GAPDHS: variants seen among roughly 807,000 people sequenced by gnomAD.
GAPDHS encodes glyceraldehyde-3-phosphate dehydrogenase, spermatogenic.
A neutral mutation model predicts 48.7 loss-of-function variants in GAPDHS; 42 were observed. The observed-to-expected ratio is 0.86, with a 90% CI of 0.67 to 1.12. The LOEUF (loss-of-function observed/expected upper bound fraction) is 1.12. GAPDHS is among the 50% of genes most tolerant of loss of function. The pLI, the probability that GAPDHS is intolerant of heterozygous loss-of-function variation, is 0.00. For missense variants in GAPDHS, 512 were observed against 557.7 expected (o/e 0.92, Z 0.82); for synonymous variants, 166 against 219.1 (o/e 0.76, Z 2.14).
At chr19:35,536,672 G>A (rs2071467917) in intron 1 of GAPDHS, 141 bp from the exon 2 acceptor site, 1 of 637,344 alleles carries the variant, frequency 1.6e-6, no homozygotes, top group Non-Finnish European at 2.8e-6. Context: ...ATTCTGTAGA[G>A]AAAGTGGGTT....
chr19:35,534,374 C>A (rs560199870), intron 1 of GAPDHS, among the ~76,000 whole-genome samples: 1 of 152,328 alleles, frequency 6.6e-6, no homozygotes, highest in Non-Finnish European at 1.5e-5. Context: ...GGCTTACCAG[C>A]CTCATGAGAC....
intron 1 of GAPDHS, among the ~76,000 whole-genome samples, chr19:35,534,492 G>T (rs1231636673): frequency 6.6e-6 from 1 of 152,158 alleles, no homozygotes; most frequent in African/African-American, 2.4e-5. Flanking sequence ...GGAGGACGCA[G>T]TGAGGAGCTG....
chr19:35,544,727 C>T (rs373262191), intron 9 of GAPDHS, 182 bp from the exon 10 acceptor site: 1 of 616,448 alleles, frequency 1.6e-6, no homozygotes, highest in Non-Finnish European at 2.9e-6. Flanking sequence ...GACCCTGACA[C>T]AGTGCCTTGG....
chr19:35,537,874 G>A (rs113337032), intron 2 of GAPDHS, among the ~76,000 whole-genome samples: 5,703 of 152,250 alleles, frequency 0.037, 370 homozygotes, highest in African/African-American at 0.13. Context: ...TCAGGAGTTC[G>A]AGACCAGCCT....
rs147678774 is a variant in GAPDHS, at chr19:35,542,383, G to A, written c.514G>A (p.Val172Met). Residue 172 changes from valine to methionine, a missense_variant, in exon 5 of 11, where the codon GTG (valine) becomes ATG (methionine). By Grantham distance (21) the Val-to-Met change is conservative. Coordinates refer to ENST00000222286, the MANE Select transcript of GAPDHS (RefSeq NM_014364.5). ...CCCCTACGTGGTGGAGTCCACAGGCGTGTACCTCTCCATACAGGCAGCTTC... is the reference window on the plus strand; with the variant it reads ...CCCCTACGTGGTGGAGTCCACAGGCATGTACCTCTCCATACAGGCAGCTTC... ...GSPYVVESTG[V>M]YLSIQAASDH... 3.1e-6 allele frequency: 5 copies of A among 1,609,126 alleles called. No individual in the cohort carries two copies. Among genetic ancestry groups the A allele is most frequent in the East Asian group, 2.2e-5 (1 of 44,870 alleles).
At chr19:35,543,555 C>T (rs903160067) in intron 8 of GAPDHS, 64 bp downstream of exon 8, 1 of 1,571,506 alleles carries the variant, frequency 6.4e-7, no homozygotes, top group African/African-American at 1.4e-5. Flanking sequence ...ACTGGCCCGG[C>T]CCTCAGTCCT....
intron 2 of GAPDHS, 116 bp downstream of exon 2, chr19:35,537,106 C>T: frequency 1.2e-6 from 1 of 862,258 alleles, no homozygotes; most frequent in Non-Finnish European, 1.8e-6. Flanking sequence ...TCCGACGACC[C>T]TGGAGAAATA....
intron 2 of GAPDHS, among the ~76,000 whole-genome samples, chr19:35,537,632 C>G (rs1198546452): frequency 1.3e-5 from 2 of 152,202 alleles, no homozygotes; most frequent in East Asian, 1.9e-4. Context: ...GTAAACCCAG[C>G]ACTTTGGGAG....
chr19:35,543,242 C>A, intron 7 of GAPDHS, 98 bp from the exon 8 acceptor site: 1 of 1,408,640 alleles, frequency 7.1e-7, no homozygotes, highest in South Asian at 1.2e-5. Context: ...GGTGGCCCCA[C>A]CAGCCTCCAC....
At chr19:35,538,827 G>A in intron 4 of GAPDHS, 144 bp downstream of exon 4, 1 of 649,544 alleles carries the variant, frequency 1.5e-6, no homozygotes. Context: ...GTACTAATTT[G>A]AAGAGGGAAG....
Position 35,545,193 on chromosome 19 carries a change from T to C in GAPDHS, c.*23T>C. 1 of 1,597,660 alleles carries C rather than the reference T, an allele frequency of 6.3e-7. No homozygotes were observed. The highest frequency in any genetic ancestry group is 1.3e-5 in the African/African-American group (1 of 74,736). Reference sequence around the variant, plus strand: ...TGAAACGGGAAGGTCCTTTCTTTCCTTCCCAGGGGCCGGGGCCGGAACATG... The same window carrying C: ...TGAAACGGGAAGGTCCTTTCTTTCCCTCCCAGGGGCCGGGGCCGGAACATG... On this transcript the variant is annotated 3_prime_UTR_variant, in exon 11 of 11. Transcript: ENST00000222286.
intron 1 of GAPDHS, among the ~76,000 whole-genome samples, chr19:35,534,211 ACT>A (rs1023824866): frequency 2.0e-5 from 3 of 150,670 alleles, no homozygotes; most frequent in African/African-American, 7.4e-5. Context: ...ACACACACAC[ACT>A]CACTCACTCA....
intron 1 of GAPDHS, among the ~76,000 whole-genome samples, chr19:35,535,369 T>C (rs1411513383): frequency 6.6e-6 from 1 of 152,150 alleles, no homozygotes; most frequent in East Asian, 1.9e-4. Context: ...AAGAAATGCC[T>C]GGAGTGCTTA....
At chr19:35,539,837 C>G (rs2146294902) in intron 4 of GAPDHS, among the ~76,000 whole-genome samples, 1 of 151,454 alleles carries the variant, frequency 6.6e-6, no homozygotes, top group East Asian at 1.9e-4. Context: ...AGTTATCACG[C>G]AGACTTCAAC....
chr19:35,539,691 G>A (rs1274309723), intron 4 of GAPDHS, among the ~76,000 whole-genome samples: 1 of 152,064 alleles, frequency 6.6e-6, no homozygotes, highest in Non-Finnish European at 1.5e-5. Flanking sequence ...CTGGGGGTAG[G>A]GTGAGTGATA....
At chr19:35,541,534 GA>G (rs2071502678) in intron 4 of GAPDHS, 1 of 151,332 alleles carries the variant, frequency 6.6e-6, no homozygotes, top group East Asian at 1.9e-4. Context: ...GAAACAGACC[GA>G]CACTGGCCAA....
chr19:35,543,363 C>A lies in GAPDHS; in HGVS notation c.765C>A (p.Ala255=), dbSNP rs1474033075. The A allele has an allele frequency of 6.2e-7, 1 of 1,612,912 alleles. No homozygotes were observed. Among genetic ancestry groups the A allele is most frequent in the South Asian group, 1.1e-5 (1 of 90,958 alleles). The part of the protein sequence containing the change: ...GLMTTVHSYT[A]TQKTVDGPSR... Reference sequence around the variant, plus strand: ...AGACCACAGTCCATTCCTACACGGCCACCCAGAAGACAGTGGACGGGCCAT... The same window carrying A: ...AGACCACAGTCCATTCCTACACGGCAACCCAGAAGACAGTGGACGGGCCAT... Residue 255 remains alanine (A), a synonymous_variant, in exon 8 of 11, where the codon GCC becomes GCA. Transcript: ENST00000222286.
intron 9 of GAPDHS, 107 bp from the exon 10 acceptor site, chr19:35,544,802 A>C: frequency 1.3e-6 from 1 of 758,692 alleles, no homozygotes; most frequent in Non-Finnish European, 2.4e-6. Flanking sequence ...TACATCAAAT[A>C]TTATAGATGA....
chr19:35,537,120 C>T lies in GAPDHS; in HGVS notation c.245+130C>T, dbSNP rs151073845. 1.6e-4 allele frequency: 112 copies of T among 712,370 alleles called. 1 individual carries two copies. The African/African-American group carries it at 1.7e-3, about 11-fold the overall frequency. 44.1% of individuals were successfully genotyped at this position (712,370 alleles called of 1,614,324 possible). Reference sequence around the variant, plus strand: ...TTCCGACGACCCTGGAGAAATAGCCCGGAGCAAGGCAGACAGGGCCCCATG... The same window carrying T: ...TTCCGACGACCCTGGAGAAATAGCCTGGAGCAAGGCAGACAGGGCCCCATG... On this transcript the variant is annotated intron_variant, in intron 2 of 10. Coordinates refer to ENST00000222286, the MANE Select transcript of GAPDHS (RefSeq NM_014364.5).
Sources: gnomAD v4.1 joint callset for allele counts (sites outside exome capture counted in the v4.1 genomes callset) on GRCh38, gnomAD v4.1.1 for gene constraint, MANE v1.5 for transcripts, NCBI Gene and HGNC (gene_info 2026-07-23, HGNC 2026-07-21) for gene names.